SLC2A9: variants seen among roughly 807,000 people sequenced by gnomAD.
SLC2A9 encodes solute carrier family 2, facilitated glucose transporter member 9.
Under a neutral mutation model 50.6 loss-of-function variants are expected in SLC2A9, and 39 were observed. That is an observed-to-expected ratio of 0.77 (90% CI 0.60 to 1.01). SLC2A9 has a LOEUF of 1.01. Among genes scored for constraint, SLC2A9 ranks in the 50% least tolerant of loss-of-function variants. The probability of loss-of-function intolerance (pLI) is 0.00; values close to 1 mark genes in which losing one functional copy is unlikely to be tolerated. For missense variants in SLC2A9, 686 were observed against 677.6 expected, an observed-to-expected ratio of 1.01 and a Z score of -0.14; for synonymous variants, 324 against 276.9, an observed-to-expected ratio of 1.17 and a Z score of -1.69.
intron 2 of SLC2A9, among the ~76,000 whole-genome samples, chr4:10,011,419 G>A (rs749332099): frequency 6.6e-6 from 1 of 152,282 alleles, no homozygotes; most frequent in East Asian, 1.9e-4. Flanking sequence ...GGTACCAAGA[G>A]GACATCTTTC....
chr4:9,782,154 T>C, intron 3 of SLC2A9: 3 of 1,580,576 alleles, frequency 1.9e-6, no homozygotes, highest in Non-Finnish European at 2.6e-6. Context: ...TCACAGGTGG[T>C]CACCGCCTGC....
Position 9,881,160 on chromosome 4 carries a change from A to C in SLC2A9, c.1291+6407T>G, listed in dbSNP as rs540495571. Reference sequence around the variant, plus strand: ...CTTTCTAAGCCACCAAGTGATGGTAATATATTCAGCCAGGGTTTAAAAACT... The same window carrying C: ...CTTTCTAAGCCACCAAGTGATGGTACTATATTCAGCCAGGGTTTAAAAACT... On this transcript the variant is annotated intron_variant, in intron 10 of 11. Transcript: ENST00000264784. Among the ~76,000 whole-genome samples, 6 of 152,334 alleles carry C rather than the reference A, an allele frequency of 3.9e-5. No individual in the cohort carries two copies. The South Asian group carries it at 1.2e-3, about 32-fold the overall frequency.
chr4:9,892,915 G>A (rs138231397), intron 8 of SLC2A9, among the ~76,000 whole-genome samples: 247 of 152,304 alleles, frequency 1.6e-3, no homozygotes, highest in African/African-American at 5.8e-3. Flanking sequence ...GCCAAGCACT[G>A]TATTAAGCAC....
At chr4:9,887,870 T>C (rs535196733) in intron 9 of SLC2A9, among the ~76,000 whole-genome samples, 1 of 152,310 alleles carries the variant, frequency 6.6e-6, no homozygotes, top group East Asian at 1.9e-4. Flanking sequence ...TGTGATGAGT[T>C]TGACATAGTC....
At chr4:9,990,231 C>T (rs1314244822) in intron 3 of SLC2A9, among the ~76,000 whole-genome samples, 1 of 152,092 alleles carries the variant, frequency 6.6e-6, no homozygotes, top group Non-Finnish European at 1.5e-5. Flanking sequence ...AGTGTGCAAG[C>T]ATACAAGGAT....
intron 5 of SLC2A9, among the ~76,000 whole-genome samples, chr4:9,942,532 C>A (rs1748358037): frequency 6.6e-6 from 1 of 152,232 alleles, no homozygotes; most frequent in South Asian, 2.1e-4. Context: ...ACAAGAAGGG[C>A]AGCTGGAGCT....
intron 2 of SLC2A9, among the ~76,000 whole-genome samples, chr4:10,013,478 C>T (rs1419475906): frequency 6.6e-6 from 1 of 152,208 alleles, no homozygotes. Flanking sequence ...TGTCCCACCC[C>T]TGAAACTTGG....
intron 3 of SLC2A9, 82 bp from the exon 4 acceptor site, chr4:9,985,875 G>A (rs1316082929): frequency 1.8e-5 from 29 of 1,597,184 alleles, no homozygotes; most frequent in Non-Finnish European, 2.2e-5. Flanking sequence ...GCAGGAGCCA[G>A]GCCCTTCTGA....
rs115243954 is a variant in SLC2A9, at chr4:9,950,042, T to C, written c.682-7997A>G. 3.5e-3 allele frequency among the ~76,000 whole-genome samples: 527 copies of C among 152,268 alleles called. 4 individuals carry two copies. The highest frequency in any genetic ancestry group is 0.012 in the African/African-American group (479 of 41,542). On this transcript the variant is annotated intron_variant, in intron 5 of 11. Transcript: ENST00000264784. ...ACTGAATCCTGGGGTGGGGAGCATG[T>C]GGCTGGTCGTGTTTGCCTTACCAAC...
intron 2 of SLC2A9, among the ~76,000 whole-genome samples, chr4:10,016,742 G>C (rs900985316): frequency 6.6e-6 from 1 of 152,096 alleles, no homozygotes; most frequent in Non-Finnish European, 1.5e-5. Flanking sequence ...GGAGGCACGT[G>C]TTCTCAGGAC....
At chr4:9,973,984 T>C (rs992014972) in intron 5 of SLC2A9, among the ~76,000 whole-genome samples, 2 of 152,168 alleles carry the variant, frequency 1.3e-5, no homozygotes, top group Non-Finnish European at 2.9e-5. Flanking sequence ...CATGATCAAG[T>C]AGGCTTCCTT....
At chr4:9,811,666 C>T (rs561686087) in intron 3 of SLC2A9, among the ~76,000 whole-genome samples, 1 of 152,244 alleles carries the variant, frequency 6.6e-6, no homozygotes, top group African/African-American at 2.4e-5. Context: ...ACAGGATTGC[C>T]CAGCTGAGCC....
Position 9,996,884 on chromosome 4 carries a change from G to A in SLC2A9, c.307C>T (p.Pro103Ser). The A allele has an allele frequency of 6.2e-7, 1 of 1,614,120 alleles. No homozygotes were observed. Among genetic ancestry groups the A allele is most frequent in the East Asian group, 2.2e-5 (1 of 44,874 alleles). ...GACCAGAGCAAAGTCAGAGTGTCTG[G>A]GTCTATTGGACGTCCATGCCTTCTT... ...WERRHGRPID[P>S]DTLTLLWSVT... The change falls in exon 3 of 12, where the codon CCA (proline) becomes TCA (serine). Residue 103 changes from proline (P) to serine (S), a missense_variant. Physicochemically the swap from Pro to Ser is moderately conservative, Grantham distance 74. Coordinates refer to ENST00000264784, the MANE Select transcript of SLC2A9 (RefSeq NM_020041.3).
intron 3 of SLC2A9, among the ~76,000 whole-genome samples, chr4:9,801,650 T>A (rs1000476359): frequency 6.6e-6 from 1 of 152,076 alleles, no homozygotes; most frequent in South Asian, 2.1e-4. Context: ...TCAGAGGAAG[T>A]TGAGGTAGAA....
intron 10 of SLC2A9, among the ~76,000 whole-genome samples, chr4:9,870,462 T>A (rs1488949660): frequency 6.6e-6 from 1 of 152,168 alleles, no homozygotes; most frequent in Non-Finnish European, 1.5e-5. Context: ...TTTTCTACAT[T>A]TCTGTTGAAA....
chr4:9,851,949 G>C lies in SLC2A9; in HGVS notation c.1292-16941C>G, dbSNP rs76482463. 8.0e-3 allele frequency among the ~76,000 whole-genome samples: 1,217 copies of C among 152,278 alleles called. 16 individuals are homozygous for C. The highest frequency in any genetic ancestry group is 0.028 in the African/African-American group (1,155 of 41,560). ...AAAGAGAGCAAATCTATGACTCACTGGTGTCTCTGAAAGCAAGGGAGAGAA... is the reference window on the plus strand; with the variant it reads ...AAAGAGAGCAAATCTATGACTCACTCGTGTCTCTGAAAGCAAGGGAGAGAA... On this transcript the variant is annotated intron_variant, in intron 10 of 11. Transcript: ENST00000264784.
At chr4:9,820,612 C>A in intron 3 of SLC2A9, among the ~76,000 whole-genome samples, 1 of 152,128 alleles carries the variant, frequency 6.6e-6, no homozygotes, top group Admixed American at 6.5e-5. Context: ...TGACTTATTT[C>A]ATCAGTGTTT....
intron 10 of SLC2A9, among the ~76,000 whole-genome samples, 173 bp downstream of exon 10, chr4:9,887,394 G>A (rs1308840176): frequency 2.0e-5 from 3 of 152,212 alleles, no homozygotes. Flanking sequence ...GGGATAGACT[G>A]CAGACAGTCG....
At chr4:9,931,114 A>G (rs1230175648) in intron 6 of SLC2A9, among the ~76,000 whole-genome samples, 6 of 152,274 alleles carry the variant, frequency 3.9e-5, no homozygotes, top group East Asian at 3.9e-4. Flanking sequence ...ACATGAGTTT[A>G]TGGAAGGTAA....
Sources: gnomAD v4.1 joint callset for allele counts (sites outside exome capture counted in the v4.1 genomes callset) on GRCh38, gnomAD v4.1.1 for gene constraint, MANE v1.5 for transcripts, NCBI Gene and HGNC (gene_info 2026-07-23, HGNC 2026-07-21) for gene names.